STXBP4: variants seen among roughly 807,000 people sequenced by gnomAD.
STXBP4 encodes syntaxin-binding protein 4.
In STXBP4, 55 loss-of-function variants were observed where a neutral mutation model predicts 76.1. The observed-to-expected ratio is 0.72, with a 90% CI of 0.58 to 0.91. The LOEUF (loss-of-function observed/expected upper bound fraction) is 0.91. Ranked by LOEUF, STXBP4 falls within the 40% of genes least tolerant of loss-of-function variation. The probability of loss-of-function intolerance (pLI) is 0.00; values close to 1 mark genes in which losing one functional copy is unlikely to be tolerated. For synonymous variants in STXBP4, 201 were observed against 220.2 expected, an observed-to-expected ratio of 0.91 and a Z score of 0.77; for missense variants, 618 against 636.9, an observed-to-expected ratio of 0.97 and a Z score of 0.32.
At chr17:54,994,986 C>T (rs2144442274) in intron 4 of STXBP4, among the ~76,000 whole-genome samples, 1 of 152,178 alleles carries the variant, frequency 6.6e-6, no homozygotes, top group African/African-American at 2.4e-5. Context: ...AAATCCCATT[C>T]CTTTCCTTTG....
intron 4 of STXBP4, among the ~76,000 whole-genome samples, chr17:54,994,491 C>T (rs1948805705): frequency 6.6e-6 from 1 of 152,308 alleles, no homozygotes; most frequent in South Asian, 2.1e-4. Context: ...TATTTCAACT[C>T]CCATAACACT....
At chr17:55,185,462 T>C in the STXBP4 span, among the ~76,000 whole-genome samples, 10 of 151,824 alleles carry the variant, frequency 6.6e-5, no homozygotes, top group Non-Finnish European at 1.3e-4. Context: ...TGTGTGTGTG[T>C]GCACATAGAG....
At chr17:55,051,937 A>G (rs1187258480) in intron 12 of STXBP4, among the ~76,000 whole-genome samples, 1 of 152,132 alleles carries the variant, frequency 6.6e-6, no homozygotes, top group Non-Finnish European at 1.5e-5. Context: ...ATGTCCTGAT[A>G]CACCCAATCC....
the STXBP4 span, among the ~76,000 whole-genome samples, chr17:55,211,799 GT>G: frequency 1.9e-3 from 92 of 49,004 alleles, no homozygotes; most frequent in East Asian, 2.9e-3. Flanking sequence ...GTTTTTTGTT[GT>G]TTTTTTTTTT....
chr17:54,986,094 T>G, intron 2 of STXBP4, 48 bp from the exon 3 acceptor site: 1 of 776,676 alleles, frequency 1.3e-6, no homozygotes, highest in Non-Finnish European at 2.2e-6. Flanking sequence ...GAATCAAATT[T>G]GACAGTTCTA....
chr17:55,045,369 G>C (rs1051160045), intron 11 of STXBP4, among the ~76,000 whole-genome samples: 6 of 151,958 alleles, frequency 3.9e-5, no homozygotes, highest in Non-Finnish European at 8.8e-5. Flanking sequence ...CCCAGTGTTG[G>C]TTACCTTAAT....
At chr17:55,006,478 ATTT>A (rs1336743854) in intron 7 of STXBP4, among the ~76,000 whole-genome samples, 2 of 152,188 alleles carry the variant, frequency 1.3e-5, no homozygotes, top group Admixed American at 6.5e-5. Context: ...AATAGTGGCA[ATTT>A]AGATAGTAAG....
At chr17:55,037,153 G>A (rs1946841746) in intron 10 of STXBP4, among the ~76,000 whole-genome samples, 1 of 152,080 alleles carries the variant, frequency 6.6e-6, no homozygotes, top group African/African-American at 2.4e-5. Context: ...TTTATTCAAA[G>A]AGAACTAAAG....
intron 15 of STXBP4, among the ~76,000 whole-genome samples, chr17:55,080,445 AT>A (rs957283714): frequency 1.3e-4 from 20 of 151,494 alleles, no homozygotes; most frequent in African/African-American, 2.2e-4. Flanking sequence ...ATCAGTTTAA[AT>A]TTTTTTTTCA....
chr17:55,155,510 A>ACC lies in STXBP4; in HGVS notation c.1548-4278_1548-4277dup, dbSNP rs5821088. On this transcript the variant is annotated intron_variant, in intron 17 of 17. Transcript: ENST00000376352. ...TAAATACTATATGCATACAATTATC[A>ACC]CCCCCCCCCCAATAAAATGACACTG... Among the ~76,000 whole-genome samples, 152 of 138,616 alleles carry ACC rather than the reference A, an allele frequency of 1.1e-3. 1 individual carries two copies. The highest frequency in any genetic ancestry group is 3.4e-3 in the African/African-American group (130 of 37,866). The allele number at this position is 138,616 out of a possible 152,430, so 90.9% of individuals were successfully genotyped here.
chr17:55,030,025 A>G (rs1038844878), intron 8 of STXBP4, among the ~76,000 whole-genome samples: 2 of 152,324 alleles, frequency 1.3e-5, no homozygotes, highest in Middle Eastern at 3.4e-3. Context: ...GACACTATAT[A>G]TGCTCTTGCC....
chr17:55,095,234 AAT>A (rs1225192857), intron 16 of STXBP4, among the ~76,000 whole-genome samples: 1 of 152,242 alleles, frequency 6.6e-6, no homozygotes, highest in Non-Finnish European at 1.5e-5. Flanking sequence ...TGAGTGGTAA[AAT>A]ATAGTCAATT....
At chr17:55,103,389 T>A (rs1567763400) in intron 16 of STXBP4, among the ~76,000 whole-genome samples, 1 of 152,336 alleles carries the variant, frequency 6.6e-6, no homozygotes, top group East Asian at 1.9e-4. Context: ...AAATAGGGAA[T>A]CCTTTCTCCA....
At chr17:55,022,420 GTTAT>G (rs1214839251) in intron 8 of STXBP4, among the ~76,000 whole-genome samples, 1 of 151,930 alleles carries the variant, frequency 6.6e-6, no homozygotes, top group African/African-American at 2.4e-5. Context: ...AGATTACAAA[GTTAT>G]TTATTTTTAC....
intron 13 of STXBP4, among the ~76,000 whole-genome samples, chr17:55,074,477 A>G (rs1185377678): frequency 4.6e-5 from 7 of 152,196 alleles, no homozygotes; most frequent in African/African-American, 1.7e-4. Context: ...TAGCCTGAGT[A>G]TGAAAATATT....
intron 1 of STXBP4, among the ~76,000 whole-genome samples, chr17:54,984,805 A>G (rs1220033982): frequency 6.6e-6 from 1 of 152,116 alleles, no homozygotes; most frequent in Non-Finnish European, 1.5e-5. Flanking sequence ...TATTACCATT[A>G]TGTGTGTGCT....
chr17:54,973,399 G>C (rs1323355769), intron 1 of STXBP4, among the ~76,000 whole-genome samples: 1 of 152,122 alleles, frequency 6.6e-6, no homozygotes, highest in African/African-American at 2.4e-5. Flanking sequence ...CATCATTAAC[G>C]TGGTTAGATG....
intron 1 of STXBP4, among the ~76,000 whole-genome samples, chr17:54,978,231 G>A (rs1055418236): frequency 2.6e-5 from 4 of 152,162 alleles, no homozygotes; most frequent in South Asian, 4.1e-4. Context: ...TTTTGACATC[G>A]TACATATGAA....
intron 16 of STXBP4, among the ~76,000 whole-genome samples, chr17:55,085,125 G>A (rs35505893): frequency 0.18 from 27,797 of 150,750 alleles, 3,011 homozygotes; most frequent in Middle Eastern, 0.35. Context: ...ACCAAACACC[G>A]CATATTCTCA....
Sources: allele counts gnomAD v4.1 joint callset (sites outside exome capture counted in the v4.1 genomes callset), GRCh38; gene constraint gnomAD v4.1.1; transcripts MANE v1.5; gene names NCBI Gene and HGNC (gene_info 2026-07-23, HGNC 2026-07-21).